Variants in AGAP1 observed in about 807,000 individuals in gnomAD.
The protein encoded by AGAP1 is ArfGAP with GTPase domain, ankyrin repeat and PH domain 1.
Under a neutral mutation model 105.3 loss-of-function variants are expected in AGAP1, and 29 were observed. The ratio of observed to expected loss-of-function variants is 0.28; its 90% CI spans 0.21 to 0.38. The LOEUF (loss-of-function observed/expected upper bound fraction) is 0.38. AGAP1 is among the 10% of genes least tolerant of loss of function. The pLI is 1.00. For missense variants in AGAP1, 998 were observed against 1,165.1 expected (o/e 0.86, Z 2.09); for synonymous variants, 509 against 485.9 (o/e 1.05, Z -0.63).
Position 235,904,431 on chromosome 2 carries a change from G to A in AGAP1, c.1156-4307G>A, listed in dbSNP as rs1428008256. ...TACTACTTTTTCAAGCTGTTGAGGG[G>A]CAGGAGATGGCACCTCTGGGGGGCC... On this transcript the variant is annotated intron_variant, in intron 10 of 17. Transcript: ENST00000304032. The surrounding 1 kb of genome is among the most constrained non-coding windows in gnomAD (Gnocchi z 4.2). Among the ~76,000 whole-genome samples, 1 of 152,144 alleles carries A rather than the reference G, an allele frequency of 6.6e-6. No individual in the cohort carries two copies. The highest frequency in any genetic ancestry group is 2.4e-5 in the African/African-American group (1 of 41,434).
At position 235,720,615 on chromosome 2, in the gene AGAP1, T is replaced by C; in HGVS notation, c.310+2971T>C. On this transcript the variant is annotated intron_variant, in intron 3 of 17. Transcript: ENST00000304032. The surrounding 1 kb of genome is among the most constrained non-coding windows in gnomAD (Gnocchi z 5.0). The stretch of plus-strand genomic sequence containing the variant: ...CGATCAACTGGGCAGCTACTTTGAA[T>C]GAAAGGCATTTTGCTGTGTATCTGC... 3 of 969,260 alleles carry C rather than the reference T, an allele frequency of 3.1e-6. No individual in the cohort carries two copies. The highest frequency in any genetic ancestry group is 3.7e-6 in the Non-Finnish European group (3 of 815,244). The allele number at this position is 969,260 out of a possible 1,614,324, so 60.0% of individuals were successfully genotyped here.
At chr2:235,771,613 A>G (rs977853033) in intron 6 of AGAP1, among the ~76,000 whole-genome samples, 1 of 152,112 alleles carries the variant, frequency 6.6e-6, no homozygotes, top group Non-Finnish European at 1.5e-5. Flanking sequence ...CCACCTGGAG[A>G]GGCTTAGAGC....
At chr2:235,804,918 T>G (rs1012951200) in intron 8 of AGAP1, among the ~76,000 whole-genome samples, 14 of 152,230 alleles carry the variant, frequency 9.2e-5, no homozygotes, top group African/African-American at 3.4e-4. Flanking sequence ...TCGGATCCAT[T>G]CCAGCATCAC....
chr2:235,899,395 C>G (rs1475800522), intron 10 of AGAP1, among the ~76,000 whole-genome samples: 3 of 152,134 alleles, frequency 2.0e-5, no homozygotes, highest in African/African-American at 7.2e-5. Flanking sequence ...CGCCTGTAAT[C>G]CCAGCTACTT....
chr2:235,502,950 T>TAG (rs1941629722), intron 1 of AGAP1, among the ~76,000 whole-genome samples: 1 of 152,010 alleles, frequency 6.6e-6, no homozygotes, highest in African/African-American at 2.4e-5. Context: ...TAGCTTCAAT[T>TAG]CAATAAGTTT....
chr2:235,541,652 G>C (rs1943445889), intron 1 of AGAP1, among the ~76,000 whole-genome samples: 1 of 151,148 alleles, frequency 6.6e-6, no homozygotes, highest in Non-Finnish European at 1.5e-5. Flanking sequence ...GCCTCCCAAA[G>C]TGCTGAGATT....
intron 1 of AGAP1, among the ~76,000 whole-genome samples, chr2:235,634,768 T>G (rs1946938106): frequency 6.6e-6 from 1 of 152,218 alleles, no homozygotes; most frequent in African/African-American, 2.4e-5. Flanking sequence ...TTTTTTATTT[T>G]GATCAAAATA....
intron 6 of AGAP1, among the ~76,000 whole-genome samples, chr2:235,761,138 A>G (rs1375830366): frequency 7.9e-5 from 12 of 152,338 alleles, no homozygotes; most frequent in African/African-American, 2.9e-4. Flanking sequence ...TTATCTTAAA[A>G]TCTTAAGGTT....
Position 235,525,317 on chromosome 2 carries a change from A to G in AGAP1, c.163+30468A>G, listed in dbSNP as rs535028607. Among the ~76,000 whole-genome samples the G allele has an allele frequency of 1.4e-4, 17 of 123,766 alleles. No homozygotes were observed. The South Asian group carries it at 4.5e-3, about 32-fold the overall frequency. The allele number at this position is 123,766 out of a possible 152,430, so 81.2% of individuals were successfully genotyped here. Reference sequence around the variant, plus strand: ...CTGATACATAATGTGGAGGACTGATACATAATGTGGAGGACTAATACATAA... The same window carrying G: ...CTGATACATAATGTGGAGGACTGATGCATAATGTGGAGGACTAATACATAA... On this transcript the variant is annotated intron_variant, in intron 1 of 17. Transcript: ENST00000304032.
At position 235,559,168 on chromosome 2, in the gene AGAP1, C is replaced by G. The variant is rs184561846; in HGVS notation, c.163+64319C>G. Among the ~76,000 whole-genome samples, 310 of 152,292 alleles carry G rather than the reference C, an allele frequency of 2.0e-3. No homozygotes were observed. The highest frequency in any genetic ancestry group is 3.1e-3 in the Admixed American group (47 of 15,292). On this transcript the variant is annotated intron_variant, in intron 1 of 17. Transcript: ENST00000304032. The surrounding 1 kb of genome is among the most constrained non-coding windows in gnomAD (Gnocchi z 5.7). Reference sequence around the variant, plus strand: ...TCTTGAACTCCTGGGCTTAAGTGATCCTCGCACCTCAGCTTCCCAAAGTGC... The same window carrying G: ...TCTTGAACTCCTGGGCTTAAGTGATGCTCGCACCTCAGCTTCCCAAAGTGC...
At chr2:235,593,259 G>C (rs982078674) in intron 1 of AGAP1, among the ~76,000 whole-genome samples, 1 of 152,182 alleles carries the variant, frequency 6.6e-6, no homozygotes, top group Admixed American at 6.5e-5. Context: ...AGTGGATTGG[G>C]TAAATAGGCT....
chr2:235,735,456 A>T (rs1408839099), intron 3 of AGAP1, among the ~76,000 whole-genome samples: 1 of 152,210 alleles, frequency 6.6e-6, no homozygotes, highest in Non-Finnish European at 1.5e-5. Context: ...GAGTGCAGAA[A>T]CTTGAAGGAA....
intron 1 of AGAP1, among the ~76,000 whole-genome samples, chr2:235,667,635 C>T (rs777109639): frequency 6.6e-6 from 1 of 152,102 alleles, no homozygotes; most frequent in African/African-American, 2.4e-5. Context: ...GGCTGCTACT[C>T]TAGAAGTTGG....
chr2:235,857,081 A>T (rs2048716267), intron 9 of AGAP1, among the ~76,000 whole-genome samples: 1 of 152,162 alleles, frequency 6.6e-6, no homozygotes, highest in African/African-American at 2.4e-5. Context: ...AGCAGGAGTC[A>T]TCCACTCCCA....
intron 9 of AGAP1, chr2:235,852,913 G>C: frequency 7.6e-7 from 1 of 1,322,866 alleles, no homozygotes; most frequent in East Asian, 3.0e-5. Context: ...GGCCGCTGCT[G>C]TTTGTCCTGA....
intron 10 of AGAP1, among the ~76,000 whole-genome samples, chr2:235,902,877 A>C (rs2051133252): frequency 6.6e-6 from 1 of 152,230 alleles, no homozygotes; most frequent in Non-Finnish European, 1.5e-5. Context: ...ATGTTTAAAA[A>C]TCGGTAGCAC....
At position 236,070,845 on chromosome 2, in the gene AGAP1, A is replaced by G. The variant is rs563489982; in HGVS notation, c.2114+21564A>G. On this transcript the variant is annotated intron_variant, in intron 16 of 17. Transcript: ENST00000304032. Reference sequence around the variant, plus strand: ...GTGGGACTTCTTTTTGGGGTGATCAAAATGTCCCCAAATTGGTTGTCATGG... The same window carrying G: ...GTGGGACTTCTTTTTGGGGTGATCAGAATGTCCCCAAATTGGTTGTCATGG... Among the ~76,000 whole-genome samples, 141 of 152,292 alleles carry G rather than the reference A, an allele frequency of 9.3e-4. 1 individual carries two copies. The highest frequency in any genetic ancestry group is 3.2e-3 in the African/African-American group (132 of 41,582).
At chr2:236,064,183 T>C (rs3768944) in intron 16 of AGAP1, among the ~76,000 whole-genome samples, 39,486 of 152,080 alleles carry the variant, frequency 0.26, 5,540 homozygotes, top group South Asian at 0.36. Context: ...CCTGTGAACC[T>C]GTCACCCAGA....
intron 16 of AGAP1, among the ~76,000 whole-genome samples, chr2:236,100,524 T>A (rs1374327634): frequency 6.6e-6 from 1 of 152,082 alleles, no homozygotes; most frequent in East Asian, 1.9e-4. Flanking sequence ...TTATTGTTTT[T>A]CAGGTTAAGA....
Sources: gnomAD v4.1 joint callset for allele counts (sites outside exome capture counted in the v4.1 genomes callset) on GRCh38, gnomAD v4.1.1 for gene constraint, Gnocchi (gnomAD v3.1) non-coding constraint, MANE v1.5 for transcripts, NCBI Gene and HGNC (gene_info 2026-07-23, HGNC 2026-07-21) for gene names.